The following HPSE2 variants were observed in gnomAD, a reference collection of about 807,000 sequenced individuals.
HPSE2 encodes inactive heparanase-2.
A neutral mutation model predicts 60.5 loss-of-function variants in HPSE2; 38 were observed. The ratio of observed to expected loss-of-function variants is 0.63; its 90% CI spans 0.48 to 0.82. The LOEUF is 0.82. Among genes scored for constraint, HPSE2 ranks in the 40% least tolerant of loss-of-function variants. The pLI is 0.00. For missense variants in HPSE2, 713 were observed against 740.4 expected, an observed-to-expected ratio of 0.96 and a Z score of 0.43; for synonymous variants, 295 against 293.2, an observed-to-expected ratio of 1.01 and a Z score of -0.06.
At chr10:99,202,070 G>C (rs1338083709) in intron 2 of HPSE2, among the ~76,000 whole-genome samples, 1 of 152,160 alleles carries the variant, frequency 6.6e-6, no homozygotes, top group East Asian at 1.9e-4. Flanking sequence ...CCACTGCCAG[G>C]CCAGAATACA....
At chr10:98,541,293 G>T (rs543373847) in intron 9 of HPSE2, among the ~76,000 whole-genome samples, 1 of 152,076 alleles carries the variant, frequency 6.6e-6, no homozygotes, top group Non-Finnish European at 1.5e-5. Context: ...TTAAAACATC[G>T]CAATTGCCTT....
intron 9 of HPSE2, among the ~76,000 whole-genome samples, chr10:98,586,424 T>G (rs1944942888): frequency 6.6e-6 from 1 of 152,220 alleles, no homozygotes; most frequent in Non-Finnish European, 1.5e-5. Context: ...CTATTACACC[T>G]TCTACATCCA....
chr10:98,630,385 G>C (rs902230170), intron 7 of HPSE2, among the ~76,000 whole-genome samples: 5 of 152,014 alleles, frequency 3.3e-5, no homozygotes, highest in Non-Finnish European at 7.4e-5. Flanking sequence ...TTTTAGTAGA[G>C]ACGGTGTTTC....
At chr10:98,866,604 G>A (rs1042098228) in intron 3 of HPSE2, among the ~76,000 whole-genome samples, 2 of 152,030 alleles carry the variant, frequency 1.3e-5, no homozygotes, top group Non-Finnish European at 2.9e-5. Flanking sequence ...AATATTAAAT[G>A]TAGACAGAGA....
At chr10:98,796,995 T>C (rs1043333734) in intron 3 of HPSE2, among the ~76,000 whole-genome samples, 2 of 152,198 alleles carry the variant, frequency 1.3e-5, no homozygotes, top group Admixed American at 1.3e-4. Context: ...TTTGAATACC[T>C]GGAAAGCATT....
At chr10:99,156,407 C>A (rs1304824168) in intron 2 of HPSE2, among the ~76,000 whole-genome samples, 1 of 140,010 alleles carries the variant, frequency 7.1e-6, no homozygotes, top group Non-Finnish European at 1.6e-5. Flanking sequence ...CCACCATGAT[C>A]AAGTGGGCTT....
chr10:99,133,629 C>T (rs1251984373), intron 3 of HPSE2, among the ~76,000 whole-genome samples: 1 of 152,132 alleles, frequency 6.6e-6, no homozygotes, highest in African/African-American at 2.4e-5. Flanking sequence ...CAAACTCCAG[C>T]AGACCAGCAG....
intron 3 of HPSE2, among the ~76,000 whole-genome samples, chr10:98,886,015 A>T (rs1953153254): frequency 6.6e-6 from 1 of 152,166 alleles, no homozygotes; most frequent in African/African-American, 2.4e-5. Context: ...CTGCCAAAAA[A>T]TTCATAGTCA....
At chr10:99,283,563 A>T in the HPSE2 span, among the ~76,000 whole-genome samples, 1 of 152,016 alleles carries the variant, frequency 6.6e-6, no homozygotes. Context: ...AATATCAAAA[A>T]TTAGTTCTTT....
intron 2 of HPSE2, among the ~76,000 whole-genome samples, chr10:99,194,026 G>T (rs943484574): frequency 2.0e-5 from 3 of 151,828 alleles, no homozygotes; most frequent in Admixed American, 6.6e-5. Flanking sequence ...ACCACGTAAG[G>T]CCACAAAACA....
chr10:98,675,944 G>A (rs1014223327), intron 6 of HPSE2, among the ~76,000 whole-genome samples: 2 of 152,008 alleles, frequency 1.3e-5, no homozygotes, highest in African/African-American at 4.8e-5. Flanking sequence ...TTTAGAGGCT[G>A]AGGGGGGAGG....
chr10:98,703,493 C>G (rs1364143173), intron 5 of HPSE2, among the ~76,000 whole-genome samples: 1 of 150,632 alleles, frequency 6.6e-6, no homozygotes, highest in Non-Finnish European at 1.5e-5. Context: ...AAGAAAACTT[C>G]AGGCCAATAT....
chr10:99,086,493 C>G (rs1015364955), intron 3 of HPSE2, among the ~76,000 whole-genome samples: 1 of 149,180 alleles, frequency 6.7e-6, no homozygotes, highest in South Asian at 2.1e-4. Context: ...GCTGGGACTA[C>G]AGGCGCCCGC....
chr10:99,222,803 T>C (rs543570889), intron 2 of HPSE2, among the ~76,000 whole-genome samples: 16 of 152,346 alleles, frequency 1.1e-4, no homozygotes, highest in African/African-American at 3.1e-4. Context: ...CAACTGTTCA[T>C]GTGTCTTCCT....
chr10:99,235,857 G>T, upstream of HPSE2: 1 of 1,490,806 alleles, frequency 6.7e-7, no homozygotes, highest in Admixed American at 1.7e-5. Flanking sequence ...GTGACTAATT[G>T]TCCTTATCTA....
chr10:98,655,279 T>C (rs756014295), intron 6 of HPSE2, among the ~76,000 whole-genome samples: 1 of 151,372 alleles, frequency 6.6e-6, no homozygotes, highest in Non-Finnish European at 1.5e-5. Flanking sequence ...AATGATTTAC[T>C]CTCTCTCTCT....
chr10:98,886,895 A>G (rs964390456), intron 3 of HPSE2, among the ~76,000 whole-genome samples: 4 of 152,234 alleles, frequency 2.6e-5, no homozygotes, highest in Admixed American at 1.3e-4. Flanking sequence ...TGGCATTTCA[A>G]TGGTATTATT....
At chr10:98,956,747 C>T (rs1404672498) in intron 3 of HPSE2, among the ~76,000 whole-genome samples, 1 of 152,126 alleles carries the variant, frequency 6.6e-6, no homozygotes, top group South Asian at 2.1e-4. Flanking sequence ...CCACACTCAG[C>T]TGCAAGGGAC....
intron 3 of HPSE2, among the ~76,000 whole-genome samples, chr10:99,054,431 A>G (rs1400679727): frequency 6.6e-6 from 1 of 152,144 alleles, no homozygotes; most frequent in Non-Finnish European, 1.5e-5. Context: ...TCTAGTTTAG[A>G]TCTCCCCTAA....
Sources: gnomAD v4.1 joint callset for allele counts (sites outside exome capture counted in the v4.1 genomes callset) on GRCh38, gnomAD v4.1.1 for gene constraint, MANE v1.5 for transcripts, NCBI Gene and HGNC (gene_info 2026-07-23, HGNC 2026-07-21) for gene names.